KCND2: variants seen among roughly 807,000 people sequenced by gnomAD.
KCND2 encodes the protein A-type voltage-gated potassium channel KCND2.
A neutral mutation model predicts 54.4 loss-of-function variants in KCND2; 16 were observed. That is an observed-to-expected ratio of 0.29 (90% confidence interval 0.20 to 0.45). The LOEUF (loss-of-function observed/expected upper bound fraction) is 0.45, where lower values mean the gene tolerates loss of function less well. KCND2 is among the 20% of genes least tolerant of loss of function. KCND2 has a pLI of 1.00. For missense variants in KCND2, 486 were observed against 824.2 expected, an observed-to-expected ratio of 0.59 and a Z score of 5.02; for synonymous variants, 317 against 310.7, an observed-to-expected ratio of 1.02 and a Z score of -0.21.
At chr7:120,391,511 G>T (rs1037753835) in intron 1 of KCND2, among the ~76,000 whole-genome samples, 5 of 152,068 alleles carry the variant, frequency 3.3e-5, no homozygotes, top group Admixed American at 6.6e-5. Context: ...CACAATGGTT[G>T]AACTAATTTA....
intron 1 of KCND2, among the ~76,000 whole-genome samples, chr7:120,589,400 T>A (rs1477737342): frequency 2.6e-5 from 4 of 152,200 alleles, no homozygotes; most frequent in African/African-American, 9.6e-5. Flanking sequence ...TACACAAATA[T>A]ATTAAAGAAT....
intron 1 of KCND2, among the ~76,000 whole-genome samples, chr7:120,323,308 A>G (rs1799921123): frequency 6.6e-6 from 1 of 151,620 alleles, no homozygotes; most frequent in Non-Finnish European, 1.5e-5. Flanking sequence ...TTATTTTTTT[A>G]TTATTATACT....
At chr7:120,669,253 G>A (rs1791962767) in intron 1 of KCND2, among the ~76,000 whole-genome samples, 1 of 151,998 alleles carries the variant, frequency 6.6e-6, no homozygotes, top group South Asian at 2.1e-4. Flanking sequence ...TGTGTATAGA[G>A]TACAAATAAA....
At chr7:120,338,220 C>T (rs896371490) in intron 1 of KCND2, among the ~76,000 whole-genome samples, 6 of 152,062 alleles carry the variant, frequency 3.9e-5, no homozygotes, top group Admixed American at 2.0e-4. Context: ...TTCAAAACAA[C>T]TAAAATATGA....
At chr7:120,589,136 A>G (rs1194387833) in intron 1 of KCND2, among the ~76,000 whole-genome samples, 1 of 152,212 alleles carries the variant, frequency 6.6e-6, no homozygotes, top group Non-Finnish European at 1.5e-5. Flanking sequence ...CAGTCATGCA[A>G]TAGCTATAGA....
intron 1 of KCND2, among the ~76,000 whole-genome samples, chr7:120,482,159 A>T (rs557518859): frequency 6.6e-6 from 1 of 152,266 alleles, no homozygotes; most frequent in African/African-American, 2.4e-5. Context: ...TGTAAGCTTT[A>T]ATGTTGTTTT....
chr7:120,396,307 A>T (rs1015087259), intron 1 of KCND2, among the ~76,000 whole-genome samples: 4 of 152,108 alleles, frequency 2.6e-5, no homozygotes, highest in Admixed American at 6.6e-5. Flanking sequence ...GTAGAACTTC[A>T]CAGAATCGAC....
intron 1 of KCND2, among the ~76,000 whole-genome samples, chr7:120,714,141 G>T (rs988486243): frequency 6.6e-6 from 1 of 152,032 alleles, no homozygotes; most frequent in Non-Finnish European, 1.5e-5. Flanking sequence ...ATATAATTCA[G>T]TTCTACAGTG....
At chr7:120,550,977 GAAAGAGAAGTAAAGAAT>G (rs1792098627) in intron 1 of KCND2, among the ~76,000 whole-genome samples, 1 of 152,168 alleles carries the variant, frequency 6.6e-6, no homozygotes, top group African/African-American at 2.4e-5. Flanking sequence ...AGTCCACAAT[GAAAGAGAAGTAAAGAAT>G]AAAGAGAATT....
intron 1 of KCND2, among the ~76,000 whole-genome samples, chr7:120,291,769 A>G (rs541472481): frequency 7.2e-5 from 11 of 151,874 alleles, no homozygotes; most frequent in Non-Finnish European, 1.5e-4. Context: ...TTATGATAGA[A>G]AATTTGTGAG....
intron 1 of KCND2, among the ~76,000 whole-genome samples, chr7:120,518,730 T>A (rs1371598941): frequency 1.3e-5 from 2 of 152,156 alleles, no homozygotes; most frequent in Non-Finnish European, 2.9e-5. Context: ...TTCAACATGA[T>A]CACTTTTTGC....
chr7:120,593,189 C>G (rs1202572598), intron 1 of KCND2, among the ~76,000 whole-genome samples: 1 of 152,138 alleles, frequency 6.6e-6, no homozygotes, highest in Non-Finnish European at 1.5e-5. Context: ...TTGTACCTAT[C>G]AAATATTCTT....
intron 1 of KCND2, among the ~76,000 whole-genome samples, chr7:120,720,567 A>T (rs898929462): frequency 2.6e-5 from 4 of 152,002 alleles, no homozygotes; most frequent in African/African-American, 7.2e-5. Context: ...GAGATTGGAG[A>T]GGGGCTGGGG....
At chr7:120,327,514 C>A (rs910733115) in intron 1 of KCND2, among the ~76,000 whole-genome samples, 3 of 152,056 alleles carry the variant, frequency 2.0e-5, no homozygotes, top group Non-Finnish European at 4.4e-5. Context: ...ACACTATAGA[C>A]AAAACCTTGC....
At chr7:120,290,589 G>T (rs550904449) in intron 1 of KCND2, among the ~76,000 whole-genome samples, 1 of 151,726 alleles carries the variant, frequency 6.6e-6, no homozygotes, top group Non-Finnish European at 1.5e-5. Flanking sequence ...TTATACCCTT[G>T]GCTTTTCTGG....
At chr7:120,414,989 C>A (rs544227812) in intron 1 of KCND2, among the ~76,000 whole-genome samples, 6 of 152,220 alleles carry the variant, frequency 3.9e-5, no homozygotes, top group African/African-American at 1.4e-4. Flanking sequence ...TCTGGCCTTC[C>A]AATCAAGAAA....
chr7:120,315,772 GT>G (rs1799803934), intron 1 of KCND2, among the ~76,000 whole-genome samples: 1 of 1,928 alleles, frequency 5.2e-4, no homozygotes, highest in Non-Finnish European at 3.4e-3. Context: ...AGCAGTGTGT[GT>G]GTGTGTGTGT....
chr7:120,444,339 G>A (rs1160565203), intron 1 of KCND2, among the ~76,000 whole-genome samples: 1 of 152,078 alleles, frequency 6.6e-6, no homozygotes, highest in African/African-American at 2.4e-5. Flanking sequence ...AGTATTGTTA[G>A]TACTTAGCTT....
At chr7:120,721,415 C>G (rs1044048923) in intron 1 of KCND2, among the ~76,000 whole-genome samples, 6 of 152,142 alleles carry the variant, frequency 3.9e-5, no homozygotes, top group Non-Finnish European at 7.3e-5. Context: ...ATAAAGTATA[C>G]TCATTTAATT....
Sources: allele counts gnomAD v4.1 joint callset (sites outside exome capture counted in the v4.1 genomes callset), GRCh38; gene constraint gnomAD v4.1.1; transcripts MANE v1.5; gene names NCBI Gene and HGNC (gene_info 2026-07-23, HGNC 2026-07-21).